COQ10B: variants seen among roughly 807,000 people sequenced by gnomAD.
The protein encoded by COQ10B is coenzyme Q10B.
COQ10B carries 12 observed loss-of-function variants against 27.6 expected under a neutral mutation model. That is an observed-to-expected ratio of 0.43 (90% CI 0.28 to 0.70). The LOEUF (loss-of-function observed/expected upper bound fraction) is 0.70, where lower values mean the gene tolerates loss of function less well. COQ10B is among the 30% of genes least tolerant of loss of function. The pLI is 0.17. For missense variants in COQ10B, 278 were observed against 288.7 expected (o/e 0.96, Z 0.27); for synonymous variants, 115 against 103.0 (o/e 1.12, Z -0.71).
At chr2:197,461,695 C>G (rs2085760562) in intron 2 of COQ10B, among the ~76,000 whole-genome samples, 1 of 150,850 alleles carries the variant, frequency 6.6e-6, no homozygotes, top group Non-Finnish European at 1.5e-5. Flanking sequence ...ATAGCCCAGG[C>G]TGTGGCATGA....
intron 3 of COQ10B, among the ~76,000 whole-genome samples, chr2:197,467,143 C>G (rs2106054643): frequency 6.6e-6 from 1 of 152,040 alleles, no homozygotes; most frequent in South Asian, 2.1e-4. Context: ...AACGAGGTTT[C>G]ACCATGTTGG....
chr2:197,458,206 A>C (rs1014054404), intron 1 of COQ10B, among the ~76,000 whole-genome samples: 21 of 151,302 alleles, frequency 1.4e-4, no homozygotes, highest in African/African-American at 5.1e-4. Flanking sequence ...ATATATATGT[A>C]TGTACATATG....
intron 2 of COQ10B, 23 bp downstream of exon 2, chr2:197,460,104 A>G: frequency 6.5e-7 from 1 of 1,549,228 alleles, no homozygotes; most frequent in Non-Finnish European, 8.8e-7. Context: ...TAAGAATTCT[A>G]CTAAAAGAGC....
At chr2:197,460,327 G>A (rs1011487029) in intron 2 of COQ10B, among the ~76,000 whole-genome samples, 5 of 150,760 alleles carry the variant, frequency 3.3e-5, no homozygotes, top group Non-Finnish European at 5.9e-5. Flanking sequence ...TTAGCCTCCC[G>A]AGTAGCAGGC....
intron 3 of COQ10B, among the ~76,000 whole-genome samples, chr2:197,467,694 A>G (rs2106055310): frequency 6.6e-6 from 1 of 152,330 alleles, no homozygotes; most frequent in South Asian, 2.1e-4. Flanking sequence ...GGATTTTAAT[A>G]CCCAATAGAC....
intron 1 of COQ10B, among the ~76,000 whole-genome samples, chr2:197,455,276 AG>A (rs2085683755): frequency 6.6e-6 from 1 of 152,066 alleles, no homozygotes; most frequent in African/African-American, 2.4e-5. Flanking sequence ...TTTCAAGTAA[AG>A]GTTTCAGCAC....
Position 197,462,641 on chromosome 2 carries a change from A to T in COQ10B, c.357A>T (p.Gly119=). 1 of 1,601,442 alleles carries T rather than the reference A, an allele frequency of 6.2e-7. No homozygotes were observed. Among genetic ancestry groups the T allele is most frequent in the African/African-American group, 1.3e-5 (1 of 74,630 alleles). Reference sequence around the variant, plus strand: ...CAGATGTTATATCAAAGAGATCTGGATATTGTAAAACAAGATTAGAAATTG... The same window carrying T: ...CAGATGTTATATCAAAGAGATCTGGTTATTGTAAAACAAGATTAGAAATTG... The part of the protein sequence containing the change: ...KKSDVISKRS[G]YCKTRLEIGF... The change falls in exon 3 of 5, where the codon GGA becomes GGT. Residue 119 remains glycine (G), a synonymous_variant. Transcript: ENST00000263960.
At chr2:197,470,977 G>A (rs1182795877) in intron 4 of COQ10B, among the ~76,000 whole-genome samples, 2 of 152,270 alleles carry the variant, frequency 1.3e-5, no homozygotes, top group South Asian at 4.1e-4. Flanking sequence ...CTGACGAGCA[G>A]ATCACTTGAG....
intron 3 of COQ10B, among the ~76,000 whole-genome samples, chr2:197,469,096 G>A (rs1378614378): frequency 3.3e-5 from 5 of 152,074 alleles, no homozygotes; most frequent in Admixed American, 6.6e-5. Context: ...GTTCAGTGGC[G>A]TAATTATAGC....
At chr2:197,470,841 G>A (rs1328110750) in intron 4 of COQ10B, among the ~76,000 whole-genome samples, 1 of 152,200 alleles carries the variant, frequency 6.6e-6, no homozygotes, top group African/African-American at 2.4e-5. Flanking sequence ...GTTGCAGTGA[G>A]CCGAGATCGT....
At chr2:197,461,749 T>G (rs530632875) in intron 2 of COQ10B, among the ~76,000 whole-genome samples, 1 of 152,024 alleles carries the variant, frequency 6.6e-6, no homozygotes, top group African/African-American at 2.4e-5. Flanking sequence ...CAAGCAAATC[T>G]CATGTCTCAG....
At chr2:197,456,136 A>G (rs923291930) in intron 1 of COQ10B, among the ~76,000 whole-genome samples, 1 of 152,194 alleles carries the variant, frequency 6.6e-6, no homozygotes, top group African/African-American at 2.4e-5. Context: ...AGAAAGTTAC[A>G]CATGACGAGT....
intron 1 of COQ10B, among the ~76,000 whole-genome samples, chr2:197,459,092 T>A (rs977322760): frequency 1.3e-5 from 2 of 152,182 alleles, no homozygotes; most frequent in African/African-American, 4.8e-5. Context: ...TAACTAGACA[T>A]GTTTTTACAT....
At chr2:197,464,066 T>TACAC (rs138340315) in intron 3 of COQ10B, among the ~76,000 whole-genome samples, 59 of 107,290 alleles carry the variant, frequency 5.5e-4, no homozygotes, top group Non-Finnish European at 9.6e-4. Flanking sequence ...TATATATATA[T>TACAC]ACACACACAC....
chr2:197,470,591 C>T (rs972263938), intron 4 of COQ10B, among the ~76,000 whole-genome samples: 8 of 152,058 alleles, frequency 5.3e-5, no homozygotes, highest in Non-Finnish European at 8.8e-5. Context: ...AAGACTTTGT[C>T]TCTAGTGAAA....
intron 2 of COQ10B, among the ~76,000 whole-genome samples, chr2:197,460,962 A>G (rs2085751270): frequency 6.6e-6 from 1 of 152,244 alleles, no homozygotes; most frequent in African/African-American, 2.4e-5. Context: ...GTTCTGCTAA[A>G]CCGGAAATAC....
chr2:197,465,206 A>G (rs2085811668), intron 3 of COQ10B, among the ~76,000 whole-genome samples: 1 of 151,486 alleles, frequency 6.6e-6, no homozygotes, highest in African/African-American at 2.4e-5. Flanking sequence ...CTTAGTATAT[A>G]TATTATGCTG....
chr2:197,459,183 T>G (rs1027061753), intron 1 of COQ10B, among the ~76,000 whole-genome samples: 8 of 152,200 alleles, frequency 5.3e-5, no homozygotes, highest in Non-Finnish European at 8.8e-5. Flanking sequence ...TTGCTTTTGT[T>G]GAGATAGAGT....
chr2:197,456,621 A>T (rs564264167), intron 1 of COQ10B, among the ~76,000 whole-genome samples: 2 of 140,088 alleles, frequency 1.4e-5, no homozygotes, highest in African/African-American at 2.7e-5. Context: ...AAAAATTAGC[A>T]GGGCGTGGTG....
Sources: allele counts gnomAD v4.1 joint callset (sites outside exome capture counted in the v4.1 genomes callset), GRCh38; gene constraint gnomAD v4.1.1; transcripts MANE v1.5; gene names NCBI Gene and HGNC (gene_info 2026-07-23, HGNC 2026-07-21).